Variants in MAP4 observed in about 807,000 individuals in gnomAD.
MAP4 encodes the protein microtubule-associated protein 4.
Under a neutral mutation model 170.2 loss-of-function variants are expected in MAP4, and 76 were observed. The observed-to-expected ratio is 0.45, with a 90% CI of 0.37 to 0.54. The LOEUF (loss-of-function observed/expected upper bound fraction) is 0.54, where lower values mean the gene tolerates loss of function less well. Among genes scored for constraint, MAP4 ranks in the 20% least tolerant of loss-of-function variants. The probability of loss-of-function intolerance (pLI) is 0.00; values close to 1 mark genes in which losing one functional copy is unlikely to be tolerated. For missense variants in MAP4, 2,506 were observed against 2,748.0 expected (o/e 0.91, Z 1.97); for synonymous variants, 909 against 994.5 (o/e 0.91, Z 1.62).
At chr3:47,945,685 ACTT>A (rs1342039749) in intron 3 of MAP4, among the ~76,000 whole-genome samples, 6 of 151,930 alleles carry the variant, frequency 3.9e-5, no homozygotes, top group Non-Finnish European at 7.4e-5. Context: ...AATTTTATTT[ACTT>A]TTTTTGCTGA....
intron 2 of MAP4, among the ~76,000 whole-genome samples, chr3:47,988,189 G>A (rs373214892): frequency 1.3e-4 from 19 of 145,846 alleles, no homozygotes; most frequent in African/African-American, 4.8e-4. Flanking sequence ...GCAAGACTCC[G>A]TCTCAAAAAA....
chr3:47,952,658 T>A (rs2100065153), intron 3 of MAP4, among the ~76,000 whole-genome samples: 2 of 144,968 alleles, frequency 1.4e-5, no homozygotes, highest in Middle Eastern at 3.4e-3. Context: ...ATAAATAAAT[T>A]AAAAAAAAAA....
intron 1 of MAP4, among the ~76,000 whole-genome samples, chr3:48,055,361 C>T (rs1451502711): frequency 1.3e-5 from 2 of 152,166 alleles, no homozygotes; most frequent in African/African-American, 4.8e-5. Context: ...ATTGCAGGCC[C>T]GCGCCGCCAC....
chr3:48,060,750 C>CAA (rs879665851), intron 1 of MAP4, among the ~76,000 whole-genome samples: 1 of 126,482 alleles, frequency 7.9e-6, no homozygotes, highest in Non-Finnish European at 1.7e-5. Flanking sequence ...CCTGTCTCTA[C>CAA]AAAAAAAAAA....
intron 1 of MAP4, among the ~76,000 whole-genome samples, chr3:48,029,870 C>G (rs887918595): frequency 6.6e-6 from 1 of 151,478 alleles, no homozygotes; most frequent in Non-Finnish European, 1.5e-5. Context: ...TGGTGGCATG[C>G]ACCTGTAGTC....
intron 1 of MAP4, among the ~76,000 whole-genome samples, chr3:48,063,003 G>A (rs1477163647): frequency 2.0e-5 from 3 of 151,196 alleles, no homozygotes; most frequent in African/African-American, 7.3e-5. Context: ...CTTCACCAAC[G>A]ATATACGAAT....
rs1370075406 is a variant in MAP4 at position 47,851,051 on chromosome 3, GGGCCTGTGCTGTTGCCCC to G, written c.*1865_*1882del. The G allele has an allele frequency of 6.6e-6, 1 of 152,196 alleles. No homozygotes were observed. Among genetic ancestry groups the G allele is most frequent in the Non-Finnish European group, 1.5e-5 (1 of 68,074 alleles). The allele number at this position is 152,196 out of a possible 1,614,324, so 9.4% of individuals were successfully genotyped here. On this transcript the variant is annotated 3_prime_UTR_variant, in exon 21 of 21. Coordinates refer to ENST00000683076, the MANE Select transcript of MAP4 (RefSeq NM_001385682.1). ...ACGCAGTGGAGGCAGCAGGTACTCTGGGCCTGTGCTGTTGCCCCTGAGGTGTCTCCTGACTACGCAACC... is the reference window on the plus strand; with the variant it reads ...ACGCAGTGGAGGCAGCAGGTACTCTGTGAGGTGTCTCCTGACTACGCAACC...
At chr3:47,984,244 C>A (rs564155227) in intron 2 of MAP4, among the ~76,000 whole-genome samples, 3 of 151,880 alleles carry the variant, frequency 2.0e-5, no homozygotes, top group Non-Finnish European at 2.9e-5. Context: ...GTACTCTTCC[C>A]GCCTCTGCCT....
rs1434695884 is a variant in MAP4, at chr3:47,872,158, C to T, written c.5758-58G>A. On this transcript the variant is annotated intron_variant, in intron 12 of 20. Transcript: ENST00000683076. ...GGTCAGCAATAGCCCCAAGGAGTCA[C>T]GCTACAAGATGCTTCTTTTTTTGTT... 1.3e-5 allele frequency: 18 copies of T among 1,411,122 alleles called. No homozygotes were observed. In the East Asian group the frequency reaches 1.6e-4, roughly 13 times the overall value. 87.4% of individuals were successfully genotyped at this position (1,411,122 alleles called of 1,614,324 possible).
intron 17 of MAP4, among the ~76,000 whole-genome samples, chr3:47,858,537 A>G (rs1001558178): frequency 6.6e-6 from 1 of 151,360 alleles, no homozygotes. Context: ...TAACATATTT[A>G]CTTCTAGTCC....
At chr3:47,892,781 AC>A in intron 10 of MAP4, 1 of 1,224,310 alleles carries the variant, frequency 8.2e-7, no homozygotes, top group South Asian at 2.1e-5. Flanking sequence ...GTGAACTAGC[AC>A]TCTGTTTAGA....
intron 10 of MAP4, among the ~76,000 whole-genome samples, chr3:47,880,093 G>C (rs972492239): frequency 6.6e-6 from 1 of 151,766 alleles, no homozygotes; most frequent in East Asian, 1.9e-4. Context: ...ATTTTCTTCA[G>C]ACTATAACAG....
intron 5 of MAP4, among the ~76,000 whole-genome samples, chr3:47,919,671 G>C (rs2100041730): frequency 6.6e-6 from 1 of 152,172 alleles, no homozygotes; most frequent in Non-Finnish European, 1.5e-5. Context: ...CTAGTTGTTA[G>C]TAGGTGGTAT....
upstream of MAP4, among the ~76,000 whole-genome samples, chr3:48,018,285 C>A (rs2100108815): frequency 6.6e-6 from 1 of 152,108 alleles, no homozygotes; most frequent in Non-Finnish European, 1.5e-5. Flanking sequence ...AAGTGATGTG[C>A]ACACCTTCTC....
intron 2 of MAP4, among the ~76,000 whole-genome samples, chr3:47,982,571 CT>C (rs1210363749): frequency 6.6e-6 from 1 of 152,112 alleles, no homozygotes; most frequent in African/African-American, 2.4e-5. Context: ...TACAACTAAA[CT>C]TTTGCTACAA....
At chr3:47,875,558 C>T (rs2095071691) in intron 12 of MAP4, 127 bp downstream of exon 12, 3 of 883,358 alleles carry the variant, frequency 3.4e-6, no homozygotes, top group East Asian at 2.7e-5. Flanking sequence ...CACCCTCTCC[C>T]CCATTTCCCT....
intron 3 of MAP4, among the ~76,000 whole-genome samples, chr3:47,970,500 GA>G (rs1347300975): frequency 6.7e-6 from 1 of 149,388 alleles, no homozygotes; most frequent in Non-Finnish European, 1.5e-5. Flanking sequence ...CAAAAAACAA[GA>G]ACAAAAAAAC....
intron 3 of MAP4, among the ~76,000 whole-genome samples, chr3:47,950,652 T>TGCTTGAAA (rs1436682795): frequency 3.3e-5 from 5 of 152,088 alleles, no homozygotes; most frequent in Non-Finnish European, 7.4e-5. Context: ...AAGATGCTGA[T>TGCTTGAAA]GAATTTAAGG....
chr3:48,034,834 G>A (rs1465912053), intron 1 of MAP4, among the ~76,000 whole-genome samples: 1 of 151,920 alleles, frequency 6.6e-6, no homozygotes, highest in Non-Finnish European at 1.5e-5. Flanking sequence ...GCAACATACT[G>A]AGACCTTGTC....
Sources: gnomAD v4.1 joint callset for allele counts (sites outside exome capture counted in the v4.1 genomes callset) on GRCh38, gnomAD v4.1.1 for gene constraint, MANE v1.5 for transcripts, NCBI Gene and HGNC (gene_info 2026-07-23, HGNC 2026-07-21) for gene names.